KNTC1: variants seen among roughly 807,000 people sequenced by gnomAD.
KNTC1 encodes the protein kinetochore associated 1.
A neutral mutation model predicts 314.4 loss-of-function variants in KNTC1; 253 were observed. The ratio of observed to expected loss-of-function variants is 0.80; its 90% CI spans 0.73 to 0.89. KNTC1 has a LOEUF of 0.89. Among genes scored for constraint, KNTC1 ranks in the 40% least tolerant of loss-of-function variants. The pLI is 0.00. For synonymous variants in KNTC1, 901 were observed against 901.4 expected, an observed-to-expected ratio of 1.00 and a Z score of 0.01; for missense variants, 2,475 against 2,572.9, an observed-to-expected ratio of 0.96 and a Z score of 0.82.
intron 44 of KNTC1, among the ~76,000 whole-genome samples, chr12:122,599,362 A>ATT (rs777228416): frequency 1.9e-3 from 100 of 52,222 alleles, no homozygotes; most frequent in East Asian, 3.8e-3. Context: ...CAGGGAAAAA[A>ATT]ATTTTTTTTT....
intron 62 of KNTC1, 55 bp downstream of exon 62, chr12:122,622,662 T>G (rs1192849838): frequency 1.4e-6 from 2 of 1,413,504 alleles, no homozygotes; most frequent in Non-Finnish European, 1.9e-6. Context: ...AAATCTATCT[T>G]TATAAGCTGG....
At position 122,572,613 on chromosome 12, in the gene KNTC1, G is replaced by A. The variant is rs943776598; in HGVS notation, c.2020-324G>A. Among the ~76,000 whole-genome samples the A allele has an allele frequency of 2.6e-5, 4 of 151,986 alleles. No individual in the cohort carries two copies. The East Asian group carries it at 7.7e-4, about 29-fold the overall frequency. On this transcript the variant is annotated intron_variant, in intron 24 of 63. Transcript: ENST00000333479. ...ATGTTATGCCTTTATATCTGGTTAT[G>A]ATATATAATCTCTATAGATAGATGG... is the stretch of plus-strand genomic sequence containing the variant.
chr12:122,562,870 G>A (rs1241928345), intron 20 of KNTC1, among the ~76,000 whole-genome samples, 171 bp downstream of exon 20: 3 of 151,980 alleles, frequency 2.0e-5, no homozygotes, highest in Non-Finnish European at 2.9e-5. Flanking sequence ...TTAGCCAGGC[G>A]TGGTGGCGTG....
chr12:122,541,821 C>G (rs554944963), intron 5 of KNTC1, among the ~76,000 whole-genome samples: 2 of 151,368 alleles, frequency 1.3e-5, no homozygotes, highest in South Asian at 4.2e-4. Flanking sequence ...GAGATCAAGA[C>G]CATCCTGGCC....
At chr12:122,573,748 G>T (rs1204630494) in intron 26 of KNTC1, among the ~76,000 whole-genome samples, 3 of 152,192 alleles carry the variant, frequency 2.0e-5, no homozygotes, top group Non-Finnish European at 4.4e-5. Context: ...ACAGATAGGT[G>T]ATACAAAACA....
intron 60 of KNTC1, among the ~76,000 whole-genome samples, 164 bp from the exon 61 acceptor site, chr12:122,621,717 C>G (rs1874456639): frequency 6.6e-6 from 1 of 152,194 alleles, no homozygotes; most frequent in Admixed American, 6.5e-5. Flanking sequence ...ACTTTTTCCC[C>G]TCTTTTCATC....
rs529932811 is a variant in KNTC1 at position 122,528,930 on chromosome 12, C to T, written c.-73-1061C>T. Among the ~76,000 whole-genome samples, 3 of 152,244 alleles carry T rather than the reference C, an allele frequency of 2.0e-5. No individual in the cohort carries two copies. The East Asian group carries it at 5.8e-4, about 29-fold the overall frequency. On this transcript the variant is annotated intron_variant, in intron 1 of 63. Transcript: ENST00000333479. ...CGATCTCGACTTACTGCAACCTCCG[C>T]CTCCCGGGTTCAAGCAATTCTACAG...
intron 57 of KNTC1, 25 bp from the exon 58 acceptor site, chr12:122,618,317 TC>T: frequency 6.2e-7 from 1 of 1,609,334 alleles, no homozygotes; most frequent in Non-Finnish European, 8.5e-7. Flanking sequence ...AACATGAATA[TC>T]CCAAACGTGG....
At position 122,606,222 on chromosome 12, in the gene KNTC1, C is replaced by CTTT. The variant is rs34344479; in HGVS notation, c.5496+827_5496+829dup. On this transcript the variant is annotated intron_variant, in intron 51 of 63. Transcript: ENST00000333479. ...TGATAAGTTTTAAAGAGATTGTTTACTTTTTTTTTTTTTTTTTTTTTTGGA... is the reference window on the plus strand; with the variant it reads ...TGATAAGTTTTAAAGAGATTGTTTACTTTTTTTTTTTTTTTTTTTTTTTTTGGA... Among the ~76,000 whole-genome samples, 92 of 109,758 alleles carry CTTT rather than the reference C, an allele frequency of 8.4e-4. 1 individual carries two copies. The highest frequency in any genetic ancestry group is 1.5e-3 in the South Asian group (5 of 3,292). 72.0% of individuals were successfully genotyped at this position (109,758 alleles called of 152,430 possible). A position where few individuals can be genotyped will look rare whatever the true frequency, so the allele number is the denominator to read the frequency against.
At chr12:122,600,018 CA>C (rs1305408768) in intron 44 of KNTC1, among the ~76,000 whole-genome samples, 1 of 151,830 alleles carries the variant, frequency 6.6e-6, no homozygotes, top group Non-Finnish European at 1.5e-5. Flanking sequence ...GACTCTGTGT[CA>C]AAAATAAAAA....
intron 1 of KNTC1, among the ~76,000 whole-genome samples, chr12:122,528,271 C>G (rs1411690537): frequency 6.6e-6 from 1 of 152,250 alleles, no homozygotes; most frequent in African/African-American, 2.4e-5. Flanking sequence ...CACCCAAACA[C>G]CAGCCACTGA....
At chr12:122,600,957 T>C (rs954349527) in intron 44 of KNTC1, among the ~76,000 whole-genome samples, 1 of 152,128 alleles carries the variant, frequency 6.6e-6, no homozygotes, top group South Asian at 2.1e-4. Context: ...AGAGCATCCT[T>C]CTTTATTAAA....
chr12:122,551,093 T>C (rs1016910340), intron 13 of KNTC1, among the ~76,000 whole-genome samples: 6 of 152,134 alleles, frequency 3.9e-5, no homozygotes, highest in Admixed American at 2.6e-4. Flanking sequence ...AAGTAACCTA[T>C]GTGATATTAT....
chr12:122,546,129 G>A, intron 8 of KNTC1, 47 bp from the exon 9 acceptor site: 2 of 1,112,618 alleles, frequency 1.8e-6, no homozygotes, highest in Non-Finnish European at 2.8e-6. Flanking sequence ...GAAGGCTCAG[G>A]TCTAAGAATG....
intron 16 of KNTC1, among the ~76,000 whole-genome samples, chr12:122,554,076 A>AAAAAAATATATAT (rs370146333): frequency 9.2e-6 from 1 of 109,064 alleles, no homozygotes; most frequent in African/African-American, 3.9e-5. Context: ...AAAAAAAAAA[A>AAAAAAATATATAT]ATATATATAT....
At position 122,626,329 on chromosome 12, in the gene KNTC1, G is replaced by T; in HGVS notation, c.*101G>T. 1 of 798,938 alleles carries T rather than the reference G, an allele frequency of 1.3e-6. No individual in the cohort carries two copies. Among genetic ancestry groups the T allele is most frequent in the Non-Finnish European group, 2.1e-6 (1 of 481,188 alleles). 49.5% of individuals were successfully genotyped at this position (798,938 alleles called of 1,614,324 possible). On this transcript the variant is annotated 3_prime_UTR_variant, in exon 64 of 64. Transcript: ENST00000333479. ...TAAATTGTACAATCTCTGTATTATAGCTATTTGTCTAACATTACCCCACAT... is the reference window on the plus strand; with the variant it reads ...TAAATTGTACAATCTCTGTATTATATCTATTTGTCTAACATTACCCCACAT...
intron 2 of KNTC1, among the ~76,000 whole-genome samples, chr12:122,531,333 A>G (rs1961301865): frequency 1.3e-5 from 2 of 152,004 alleles, no homozygotes; most frequent in Admixed American, 6.6e-5. Context: ...CAATTTCCCA[A>G]GTAGCTGGGA....
chr12:122,582,560 A>C (rs1341710603), intron 33 of KNTC1, 145 bp from the exon 34 acceptor site: 1 of 700,312 alleles, frequency 1.4e-6, no homozygotes, highest in East Asian at 2.7e-5. Flanking sequence ...AGCATCACAC[A>C]ATATACCCAG....
chr12:122,544,531 CA>C, intron 8 of KNTC1, among the ~76,000 whole-genome samples: 1 of 152,004 alleles, frequency 6.6e-6, no homozygotes, highest in East Asian at 1.9e-4. Flanking sequence ...AAAACAAAAC[CA>C]AAAAATTCCA....
Sources: allele counts gnomAD v4.1 joint callset (sites outside exome capture counted in the v4.1 genomes callset), GRCh38; gene constraint gnomAD v4.1.1; transcripts MANE v1.5; gene names NCBI Gene and HGNC (gene_info 2026-07-23, HGNC 2026-07-21).